Variants in PRKCA observed in about 807,000 individuals in gnomAD.
The protein encoded by PRKCA is protein kinase C alpha.
PRKCA carries 27 observed loss-of-function variants against 87.0 expected under a neutral mutation model. The observed-to-expected ratio is 0.31, with a 90% CI of 0.23 to 0.43. The LOEUF is 0.43. Ranked by LOEUF, PRKCA falls within the 20% of genes least tolerant of loss-of-function variation. The pLI, the probability that PRKCA is intolerant of heterozygous loss-of-function variation, is 1.00. For synonymous variants in PRKCA, 329 were observed against 311.1 expected, an observed-to-expected ratio of 1.06 and a Z score of -0.61; for missense variants, 518 against 852.3, an observed-to-expected ratio of 0.61 and a Z score of 4.88.
intron 10 of PRKCA, among the ~76,000 whole-genome samples, chr17:66,737,749 A>G (rs1381749970): frequency 1.3e-5 from 2 of 152,242 alleles, no homozygotes; most frequent in African/African-American, 2.4e-5. Context: ...AAGTCACGCC[A>G]GGGAGAGATG....
At chr17:66,478,765 G>A (rs573149420) in intron 2 of PRKCA, among the ~76,000 whole-genome samples, 16 of 152,182 alleles carry the variant, frequency 1.1e-4, no homozygotes, top group African/African-American at 7.2e-5. Flanking sequence ...CCCGTATCAC[G>A]TTGGTCTGTG....
chr17:66,442,714 G>A (rs955901347), intron 2 of PRKCA, among the ~76,000 whole-genome samples: 1 of 152,148 alleles, frequency 6.6e-6, no homozygotes, highest in Non-Finnish European at 1.5e-5. Context: ...CAAGCTTAGC[G>A]AGGCCAGGGG....
At chr17:66,547,142 G>A (rs752963648) in intron 3 of PRKCA, among the ~76,000 whole-genome samples, 8 of 152,066 alleles carry the variant, frequency 5.3e-5, no homozygotes, top group South Asian at 2.1e-4. Context: ...CTTAGGTATC[G>A]TGTTTATGTC....
At chr17:66,608,282 G>A (rs566958473) in intron 3 of PRKCA, among the ~76,000 whole-genome samples, 54 of 152,190 alleles carry the variant, frequency 3.5e-4, no homozygotes, top group African/African-American at 1.2e-3. Flanking sequence ...TGGAGTGGAG[G>A]GCCTCACTCT....
At chr17:66,437,105 C>T (rs1249923387) in intron 2 of PRKCA, among the ~76,000 whole-genome samples, 1 of 152,062 alleles carries the variant, frequency 6.6e-6, no homozygotes, top group Non-Finnish European at 1.5e-5. Flanking sequence ...ACAAAGAGAA[C>T]TAATAGAGGG....
At chr17:66,774,119 C>T (rs1356862710) in intron 14 of PRKCA, 52 bp downstream of exon 14, 2 of 1,613,336 alleles carry the variant, frequency 1.2e-6, no homozygotes, top group South Asian at 1.1e-5. Context: ...TATGTGAATA[C>T]TTCAGCTCTG....
chr17:66,496,302 A>G lies in PRKCA; in HGVS notation c.288+19A>G. Reference sequence around the variant, plus strand: ...CACTGATGTAAGTAGTCCTGAAATCATGATTTGATGTCAATGTGGATTTCT... The same window carrying G: ...CACTGATGTAAGTAGTCCTGAAATCGTGATTTGATGTCAATGTGGATTTCT... On this transcript the variant is annotated intron_variant, in intron 3 of 16. Transcript: ENST00000413366. 3 of 1,588,268 alleles carry G rather than the reference A, an allele frequency of 1.9e-6. No individual in the cohort carries two copies. Among genetic ancestry groups the G allele is most frequent in the African/African-American group, 1.3e-5 (1 of 74,370 alleles).
chr17:66,558,159 G>C (rs1968560148), intron 3 of PRKCA, among the ~76,000 whole-genome samples: 1 of 152,268 alleles, frequency 6.6e-6, no homozygotes, highest in South Asian at 2.1e-4. Context: ...CCAGGCTCCT[G>C]ATGGTCGGTT....
intron 3 of PRKCA, among the ~76,000 whole-genome samples, chr17:66,532,175 A>T (rs921530282): frequency 6.6e-6 from 1 of 150,738 alleles, no homozygotes; most frequent in Non-Finnish European, 1.5e-5. Flanking sequence ...AAAAAGAACA[A>T]CCTTGAGTCC....
chr17:66,374,452 G>C (rs1479064295), intron 2 of PRKCA, among the ~76,000 whole-genome samples: 1 of 152,204 alleles, frequency 6.6e-6, no homozygotes, highest in Non-Finnish European at 1.5e-5. Context: ...CTCCTCTGCT[G>C]CTTACAGGGC....
At chr17:66,573,324 C>T (rs1373795073) in intron 3 of PRKCA, among the ~76,000 whole-genome samples, 3 of 152,176 alleles carry the variant, frequency 2.0e-5, no homozygotes, top group South Asian at 4.2e-4. Context: ...GTAATTCTAG[C>T]TTGCCTAGCA....
chr17:66,347,960 T>TTTTTTTTTTTA (rs1907503291), intron 2 of PRKCA, among the ~76,000 whole-genome samples: 1 of 143,970 alleles, frequency 6.9e-6, no homozygotes, highest in African/African-American at 2.6e-5. Flanking sequence ...TTTTTTTTTT[T>TTTTTTTTTTTA]GAGACAAAGT....
At chr17:66,785,404 C>A (rs911788482) in intron 14 of PRKCA, among the ~76,000 whole-genome samples, 5 of 152,170 alleles carry the variant, frequency 3.3e-5, no homozygotes, top group African/African-American at 1.2e-4. Flanking sequence ...GTGTGACCTG[C>A]CCGTGTCAGC....
At chr17:66,454,510 A>G (rs1914490426) in intron 2 of PRKCA, among the ~76,000 whole-genome samples, 1 of 152,210 alleles carries the variant, frequency 6.6e-6, no homozygotes, top group Non-Finnish European at 1.5e-5. Flanking sequence ...TGATAAAGAC[A>G]TACCCGAAAC....
At chr17:66,414,164 C>G (rs1598652246) in intron 2 of PRKCA, among the ~76,000 whole-genome samples, 2 of 152,236 alleles carry the variant, frequency 1.3e-5, no homozygotes, top group East Asian at 3.9e-4. Flanking sequence ...CATCCCCACC[C>G]ACATCTCATA....
intron 3 of PRKCA, among the ~76,000 whole-genome samples, chr17:66,510,958 G>C (rs909459321): frequency 6.6e-6 from 1 of 152,042 alleles, no homozygotes; most frequent in Non-Finnish European, 1.5e-5. Flanking sequence ...TGTTGCCCAG[G>C]CTGGTCTCGA....
At chr17:66,620,179 C>T (rs992160203) in intron 3 of PRKCA, among the ~76,000 whole-genome samples, 2 of 152,212 alleles carry the variant, frequency 1.3e-5, no homozygotes, top group African/African-American at 4.8e-5. Flanking sequence ...TTCTTTCTAA[C>T]TCAGTGAAAA....
intron 16 of PRKCA, chr17:66,796,524 C>A: frequency 1.0e-6 from 1 of 985,318 alleles, no homozygotes; most frequent in Non-Finnish European, 1.2e-6. Flanking sequence ...CCTTGGGTGA[C>A]TAAATGAGCA....
intron 16 of PRKCA, chr17:66,796,948 C>T (rs1975684344): frequency 5.1e-6 from 5 of 985,414 alleles, no homozygotes; most frequent in Non-Finnish European, 6.0e-6. Context: ...TCCCTTTACT[C>T]TTTATTTGTT....
Sources: gnomAD v4.1 joint callset for allele counts (sites outside exome capture counted in the v4.1 genomes callset) on GRCh38, gnomAD v4.1.1 for gene constraint, MANE v1.5 for transcripts, NCBI Gene and HGNC (gene_info 2026-07-23, HGNC 2026-07-21) for gene names.